The following CYP7B1 variants were observed in gnomAD, a reference collection of about 807,000 sequenced individuals.
CYP7B1 encodes cytochrome P450 7B1.
CYP7B1 carries 29 observed loss-of-function variants against 42.7 expected under a neutral mutation model. The observed-to-expected ratio is 0.68, with a 90% CI of 0.51 to 0.93. The LOEUF (loss-of-function observed/expected upper bound fraction) is 0.93, where lower values mean the gene tolerates loss of function less well. Among genes scored for constraint, CYP7B1 ranks in the 40% least tolerant of loss-of-function variants. CYP7B1 has a pLI of 0.00. For missense variants in CYP7B1, 655 were observed against 600.5 expected (o/e 1.09, Z -0.95); for synonymous variants, 235 against 218.2 (o/e 1.08, Z -0.68).
At chr8:64,589,352 T>G (rs892972537), downstream of CYP7B1, among the ~76,000 whole-genome samples, 1 of 152,238 alleles carries the variant, frequency 6.6e-6, no homozygotes, top group African/African-American at 2.4e-5. Context: ...TAACTTTTCT[T>G]TAAGTCTAAA....
chr8:64,746,802 T>C (rs1807650059), intron 1 of CYP7B1, among the ~76,000 whole-genome samples: 1 of 152,084 alleles, frequency 6.6e-6, no homozygotes, highest in Non-Finnish European at 1.5e-5. Context: ...ATATCATAAC[T>C]CTCTAAAGAT....
chr8:64,608,221 T>G (rs191975998), intron 4 of CYP7B1, among the ~76,000 whole-genome samples: 1 of 152,308 alleles, frequency 6.6e-6, no homozygotes, highest in African/African-American at 2.4e-5. Flanking sequence ...AAAATTATGG[T>G]TAAAAAAGGC....
At chr8:64,731,545 C>A (rs1807408420) in intron 1 of CYP7B1, among the ~76,000 whole-genome samples, 1 of 152,086 alleles carries the variant, frequency 6.6e-6, no homozygotes, top group Admixed American at 6.6e-5. Flanking sequence ...AACTCTGCAG[C>A]CTAATGATGA....
chr8:64,624,951 C>CCTTTT (rs1805586879), intron 1 of CYP7B1, among the ~76,000 whole-genome samples: 4 of 54,022 alleles, frequency 7.4e-5, no homozygotes, highest in African/African-American at 4.2e-4. Context: ...TTATATCATT[C>CCTTTT]TTTTTTTTTT....
chr8:64,792,222 T>G (rs891599482), intron 1 of CYP7B1, among the ~76,000 whole-genome samples: 5 of 152,072 alleles, frequency 3.3e-5, no homozygotes, highest in Non-Finnish European at 7.4e-5. Flanking sequence ...TGTTGAAAGG[T>G]TAGCTTAAAT....
chr8:64,666,292 C>T (rs1355654949), intron 1 of CYP7B1, among the ~76,000 whole-genome samples: 1 of 152,216 alleles, frequency 6.6e-6, no homozygotes, highest in Non-Finnish European at 1.5e-5. Context: ...GTCCTACTCA[C>T]TGTCCTTGGC....
intron 1 of CYP7B1, among the ~76,000 whole-genome samples, chr8:64,713,775 A>T (rs1368608813): frequency 6.6e-6 from 1 of 151,808 alleles, no homozygotes; most frequent in Non-Finnish European, 1.5e-5. Context: ...CAGGGAGTCA[A>T]AAAAAAATCT....
At chr8:64,735,397 T>C (rs1807472400) in intron 1 of CYP7B1, among the ~76,000 whole-genome samples, 1 of 152,166 alleles carries the variant, frequency 6.6e-6, no homozygotes, top group African/African-American at 2.4e-5. Flanking sequence ...GTCTCCACTC[T>C]CTGTACCAGG....
chr8:64,747,764 C>T (rs972438003), intron 1 of CYP7B1, among the ~76,000 whole-genome samples: 2 of 152,094 alleles, frequency 1.3e-5, no homozygotes, highest in Non-Finnish European at 2.9e-5. Flanking sequence ...TCATTGGGCT[C>T]TTGGCTGGAA....
At chr8:64,778,233 A>G (rs1348846194) in intron 1 of CYP7B1, among the ~76,000 whole-genome samples, 1 of 149,142 alleles carries the variant, frequency 6.7e-6, no homozygotes, top group African/African-American at 2.4e-5. Flanking sequence ...ATGTGTGTGT[A>G]TATGTAGTGT....
chr8:64,640,251 C>T (rs1805833196), intron 1 of CYP7B1, among the ~76,000 whole-genome samples: 1 of 151,924 alleles, frequency 6.6e-6, no homozygotes, highest in African/African-American at 2.4e-5. Flanking sequence ...TAAAATTTGC[C>T]TAATTGTACA....
At chr8:64,659,700 C>T (rs1806172871) in intron 1 of CYP7B1, among the ~76,000 whole-genome samples, 1 of 152,156 alleles carries the variant, frequency 6.6e-6, no homozygotes. Context: ...GTTCTTAGAT[C>T]ATAACTTCTG....
chr8:64,647,798 G>A (rs1235719220), intron 1 of CYP7B1, among the ~76,000 whole-genome samples: 4 of 152,104 alleles, frequency 2.6e-5, no homozygotes, highest in African/African-American at 7.2e-5. Context: ...CTACTCTACT[G>A]AGTCCACTGC....
intron 1 of CYP7B1, among the ~76,000 whole-genome samples, chr8:64,759,613 T>G (rs1301839238): frequency 6.6e-6 from 1 of 152,144 alleles, no homozygotes; most frequent in Non-Finnish European, 1.5e-5. Flanking sequence ...GATATGAATA[T>G]GAACTGTTAG....
intron 1 of CYP7B1, among the ~76,000 whole-genome samples, chr8:64,686,728 C>T (rs1806656668): frequency 1.3e-5 from 1 of 76,040 alleles, no homozygotes; most frequent in Non-Finnish European, 2.7e-5. Flanking sequence ...CGGATGGTTG[C>T]CCTGTCTGTG....
intron 1 of CYP7B1, among the ~76,000 whole-genome samples, chr8:64,736,112 T>A (rs946184360): frequency 6.6e-6 from 1 of 152,152 alleles, no homozygotes; most frequent in African/African-American, 2.4e-5. Context: ...TATCAGGAAG[T>A]CTTTGTGTTT....
intron 1 of CYP7B1, among the ~76,000 whole-genome samples, chr8:64,760,464 G>T (rs1460141881): frequency 6.6e-6 from 1 of 151,954 alleles, no homozygotes; most frequent in African/African-American, 2.4e-5. Flanking sequence ...TTGATAAAAG[G>T]TTAATATCTA....
At chr8:64,667,080 T>G (rs1585842808) in intron 1 of CYP7B1, among the ~76,000 whole-genome samples, 1 of 152,328 alleles carries the variant, frequency 6.6e-6, no homozygotes, top group Admixed American at 6.5e-5. Flanking sequence ...CAGAGTCATT[T>G]CTGGTTGATT....
At chr8:64,693,717 T>C (rs1184007678) in intron 1 of CYP7B1, among the ~76,000 whole-genome samples, 1 of 152,100 alleles carries the variant, frequency 6.6e-6, no homozygotes, top group Non-Finnish European at 1.5e-5. Flanking sequence ...TCAAGAGAAA[T>C]ACATGATTAA....
Sources: allele counts gnomAD v4.1 joint callset (sites outside exome capture counted in the v4.1 genomes callset), GRCh38; gene constraint gnomAD v4.1.1; transcripts MANE v1.5; gene names NCBI Gene and HGNC (gene_info 2026-07-23, HGNC 2026-07-21).